Variants in VTCN1 observed in about 807,000 individuals in gnomAD.
VTCN1 encodes the protein V-set domain containing T cell activation inhibitor 1.
Under a neutral mutation model 26.5 loss-of-function variants are expected in VTCN1, and 26 were observed. The ratio of observed to expected loss-of-function variants is 0.98; its 90% CI spans 0.72 to 1.36. The LOEUF is 1.36. Ranked by LOEUF, VTCN1 falls within the 40% of genes most tolerant of loss-of-function variation. The pLI is 0.00. For missense variants in VTCN1, 298 were observed against 337.7 expected, an observed-to-expected ratio of 0.88 and a Z score of 0.92; for synonymous variants, 116 against 130.7, an observed-to-expected ratio of 0.89 and a Z score of 0.77.
At chr1:117,203,676 G>C (rs1648903827) in intron 1 of VTCN1, 1 of 985,256 alleles carries the variant, frequency 1.0e-6, no homozygotes. Context: ...TGGCTCTTTA[G>C]CACATTTCTT....
At chr1:117,208,458 G>A (rs1043010523) in intron 1 of VTCN1, among the ~76,000 whole-genome samples, 1 of 152,156 alleles carries the variant, frequency 6.6e-6, no homozygotes, top group Non-Finnish European at 1.5e-5. Context: ...GCGCGTTAGA[G>A]TTGTTATGTG....
In VTCN1 at chr1:117,144,191, C is replaced by T. The variant is rs1651395952; in HGVS notation, c.*1080G>A. ...TTTCCAGGCCCTTTTCTACTCAAAA[C>T]CAGGGTTTCTTAGCCCTGACACAGT... On this transcript the variant is annotated 3_prime_UTR_variant, in exon 6 of 6. Coordinates refer to ENST00000369458, the MANE Select transcript of VTCN1 (RefSeq NM_024626.4). 6.6e-6 allele frequency: 1 copy of T among 152,220 alleles called. No individual in the cohort carries two copies. Among genetic ancestry groups the T allele is most frequent in the African/African-American group, 2.4e-5 (1 of 41,438 alleles). 9.4% of individuals were successfully genotyped at this position (152,220 alleles called of 1,614,324 possible).
At chr1:117,156,497 A>G (rs2101466360) in intron 3 of VTCN1, 77 bp downstream of exon 3, 1 of 1,400,558 alleles carries the variant, frequency 7.1e-7, no homozygotes, top group Non-Finnish European at 9.6e-7. Flanking sequence ...GTCACAACAT[A>G]TTTCATAAGC....
At position 117,147,634 on chromosome 1, in the gene VTCN1, A is replaced by T; in HGVS notation, c.*24T>A. On this transcript the variant is annotated 3_prime_UTR_variant, in exon 5 of 6. Transcript: ENST00000369458. This position sits in a 1 kb window ranked among gnomAD's most constrained non-coding sequence, Gnocchi z 4.6. ...TCACCTGTTGTAACAATGACTTTGC[A>T]TGCTTTTTTGTGGCCGAGGCACATT... 1 of 1,609,796 alleles carries T rather than the reference A, an allele frequency of 6.2e-7. No homozygotes were observed. The highest frequency in any genetic ancestry group is 8.5e-7 in the Non-Finnish European group (1 of 1,178,894).
intron 1 of VTCN1, among the ~76,000 whole-genome samples, chr1:117,187,577 T>C (rs1339228288): frequency 6.6e-6 from 1 of 152,194 alleles, no homozygotes; most frequent in African/African-American, 2.4e-5. Context: ...ACTGTCTCTG[T>C]GTCCTCATTA....
At chr1:117,192,180 T>G (rs1648279919) in intron 1 of VTCN1, among the ~76,000 whole-genome samples, 2 of 152,092 alleles carry the variant, frequency 1.3e-5, no homozygotes, top group Admixed American at 1.3e-4. Context: ...TAAGGGAAAC[T>G]TTGTGAAGCT....
intron 4 of VTCN1, among the ~76,000 whole-genome samples, chr1:117,152,255 G>C (rs753555633): frequency 1.3e-5 from 2 of 152,104 alleles, no homozygotes; most frequent in Non-Finnish European, 2.9e-5. Flanking sequence ...AAAATCATAA[G>C]AATATGATTT....
intron 1 of VTCN1, 116 bp downstream of exon 1, chr1:117,210,708 A>C: frequency 8.9e-7 from 1 of 1,129,066 alleles, no homozygotes; most frequent in East Asian, 2.4e-5. Context: ...CCAATGCTGG[A>C]TCAGATAAAA....
At chr1:117,173,142 A>G (rs1653013076) in intron 1 of VTCN1, 6 of 714,318 alleles carry the variant, frequency 8.4e-6, no homozygotes, top group Non-Finnish European at 1.3e-5. Context: ...CAACTCCGGA[A>G]CAAACAACTC....
At chr1:117,196,860 A>G (rs1648537792) in intron 1 of VTCN1, among the ~76,000 whole-genome samples, 1 of 152,210 alleles carries the variant, frequency 6.6e-6, no homozygotes, top group African/African-American at 2.4e-5. Flanking sequence ...CAATGATTAG[A>G]CAGCAGCCTC....
chr1:117,154,361 A>T (rs957620601), intron 3 of VTCN1, among the ~76,000 whole-genome samples: 8 of 152,244 alleles, frequency 5.3e-5, no homozygotes, highest in Non-Finnish European at 7.3e-5. Flanking sequence ...ATTAAAAAAA[A>T]ATCAACTTTT....
rs139404056 is a variant in VTCN1 at position 117,205,884 on chromosome 1, A to T, written c.32+4940T>A. ...TTACCACGTGCTTGGTCATAGTCGC[A>T]TCGCTCCAATTGGCCCCTGAGGTTG... On this transcript the variant is annotated intron_variant, in intron 1 of 5. Coordinates refer to ENST00000369458, the MANE Select transcript of VTCN1 (RefSeq NM_024626.4). Among the ~76,000 whole-genome samples the T allele has an allele frequency of 4.3e-3, 660 of 152,198 alleles. 6 individuals carry two copies. Among genetic ancestry groups the T allele is most frequent in the African/African-American group, 0.015 (634 of 41,520 alleles).
chr1:117,188,551 T>A (rs547067698), intron 1 of VTCN1, among the ~76,000 whole-genome samples: 1 of 152,338 alleles, frequency 6.6e-6, no homozygotes, highest in Admixed American at 6.5e-5. Flanking sequence ...AAGAAATTAT[T>A]CCTTTGATTA....
chr1:117,204,458 G>T (rs939233418), intron 1 of VTCN1, among the ~76,000 whole-genome samples: 2 of 152,172 alleles, frequency 1.3e-5, no homozygotes, highest in African/African-American at 4.8e-5. Flanking sequence ...AAGTAAGTAT[G>T]TATGAAGTCT....
chr1:117,162,948 G>A (rs1652441060), intron 2 of VTCN1, among the ~76,000 whole-genome samples: 1 of 152,200 alleles, frequency 6.6e-6, no homozygotes, highest in African/African-American at 2.4e-5. Flanking sequence ...AGAAAGACAG[G>A]TTCGTACATT....
intron 4 of VTCN1, among the ~76,000 whole-genome samples, chr1:117,152,166 T>C (rs1358408871): frequency 6.6e-6 from 1 of 152,206 alleles, no homozygotes; most frequent in Non-Finnish European, 1.5e-5. Context: ...CTTTTGTGTG[T>C]GTGAGTGTAA....
At chr1:117,191,734 A>G (rs1648254499) in intron 1 of VTCN1, among the ~76,000 whole-genome samples, 1 of 152,206 alleles carries the variant, frequency 6.6e-6, no homozygotes, top group African/African-American at 2.4e-5. Context: ...GTGAGCTGAT[A>G]CACGCCATTG....
chr1:117,144,564 G>A lies in VTCN1; in HGVS notation c.*707C>T, dbSNP rs1419604032. 3.3e-5 allele frequency: 5 copies of A among 152,056 alleles called. No individual in the cohort carries two copies. The highest frequency in any genetic ancestry group is 9.7e-5 in the African/African-American group (4 of 41,354). The allele number at this position is 152,056 out of a possible 1,614,324, so 9.4% of individuals were successfully genotyped here. On this transcript the variant is annotated 3_prime_UTR_variant, in exon 6 of 6. Transcript: ENST00000369458. The stretch of plus-strand genomic sequence containing the variant: ...TGAACATCATCTGAGAAATAAACCC[G>A]CATTTGTTTGTTTAAAAAGAAGGTG...
intron 1 of VTCN1, among the ~76,000 whole-genome samples, chr1:117,199,204 G>A (rs1337901247): frequency 2.2e-5 from 2 of 90,408 alleles, no homozygotes; most frequent in Non-Finnish European, 4.8e-5. Context: ...CATAATGTTG[G>A]GTGAATCACA....
Sources: gnomAD v4.1 joint callset for allele counts (sites outside exome capture counted in the v4.1 genomes callset) on GRCh38, gnomAD v4.1.1 for gene constraint, Gnocchi (gnomAD v3.1) non-coding constraint, MANE v1.5 for transcripts, NCBI Gene and HGNC (gene_info 2026-07-23, HGNC 2026-07-21) for gene names.